Variants in DPY19L4 observed in about 807,000 individuals in gnomAD.
DPY19L4 encodes the protein probable C-mannosyltransferase DPY19L4.
A neutral mutation model predicts 102.8 loss-of-function variants in DPY19L4; 97 were observed. The observed-to-expected ratio is 0.94, with a 90% CI of 0.80 to 1.12. The LOEUF (loss-of-function observed/expected upper bound fraction) is 1.12, where lower values mean the gene tolerates loss of function less well. DPY19L4 is among the 50% of genes most tolerant of loss of function. The pLI is 0.00. For missense variants in DPY19L4, 815 were observed against 850.4 expected, an observed-to-expected ratio of 0.96 and a Z score of 0.52; for synonymous variants, 252 against 283.1, an observed-to-expected ratio of 0.89 and a Z score of 1.10.
chr8:94,743,491 A>G (rs1052273999), intron 6 of DPY19L4, among the ~76,000 whole-genome samples: 4 of 151,866 alleles, frequency 2.6e-5, no homozygotes, highest in African/African-American at 9.7e-5. Context: ...AAAAAAAAAA[A>G]AAAATAGCCA....
rs1436971142 is a variant in DPY19L4, at chr8:94,790,857, A to C, written c.*947A>C. 1 of 152,176 alleles carries C rather than the reference A, an allele frequency of 6.6e-6. No individual in the cohort carries two copies. Among genetic ancestry groups the C allele is most frequent in the African/African-American group, 2.4e-5 (1 of 41,476 alleles). The allele number at this position is 152,176 out of a possible 1,614,324, so 9.4% of individuals were successfully genotyped here. A position where few individuals can be genotyped will look rare whatever the true frequency, so the allele number is the denominator to read the frequency against. On this transcript the variant is annotated 3_prime_UTR_variant, in exon 19 of 19. Coordinates refer to ENST00000414645, the MANE Select transcript of DPY19L4 (RefSeq NM_181787.3). ...CAGATGTTGTTAAACGTACCTCTGC[A>C]TACAGATATATTATAAAACACAAGC...
intron 10 of DPY19L4, among the ~76,000 whole-genome samples, chr8:94,766,265 C>T (rs916347423): frequency 1.3e-5 from 2 of 152,176 alleles, no homozygotes; most frequent in Admixed American, 1.3e-4. Context: ...ATCCCAGCTA[C>T]TTGGGAGGCT....
chr8:94,742,230 C>G (rs953242619), intron 6 of DPY19L4, among the ~76,000 whole-genome samples: 1 of 151,878 alleles, frequency 6.6e-6, no homozygotes, highest in Admixed American at 6.6e-5. Flanking sequence ...TGGTGGCGGG[C>G]GCCTGTAGTC....
Position 94,781,103 on chromosome 8 carries a change from C to G in DPY19L4, c.1652C>G (p.Thr551Arg), listed in dbSNP as rs867783437. ...TTTTAGTTTTTTCCCAGATTAATGA[C>G]AGAATTAATGGAACTACAGGAATTC... is the stretch of plus-strand genomic sequence containing the variant. ...LWKEFFPRLM[T>R]ELMELQEFYD... The change falls in exon 16 of 19, where the codon ACA becomes AGA. Residue 551 changes from threonine (T) to arginine (R), a missense_variant. Transcript: ENST00000414645. 1 of 1,419,086 alleles carries G rather than the reference C, an allele frequency of 7.0e-7. No individual in the cohort carries two copies. The highest frequency in any genetic ancestry group is 1.6e-5 in the African/African-American group (1 of 63,082). 87.9% of individuals were successfully genotyped at this position (1,419,086 alleles called of 1,614,324 possible).
intron 14 of DPY19L4, among the ~76,000 whole-genome samples, chr8:94,779,427 A>G (rs1481716173): frequency 6.6e-6 from 1 of 151,692 alleles, no homozygotes; most frequent in Non-Finnish European, 1.5e-5. Flanking sequence ...GGCTTAAGCA[A>G]TCCTCCTGCC....
chr8:94,767,702 T>A (rs1291090594), intron 11 of DPY19L4, among the ~76,000 whole-genome samples: 5 of 152,172 alleles, frequency 3.3e-5, no homozygotes, highest in Admixed American at 1.3e-4. Context: ...TAAGTAGGTA[T>A]CTCTTTTTAA....
chr8:94,734,807 A>G, intron 3 of DPY19L4, 53 bp downstream of exon 3: 1 of 1,608,584 alleles, frequency 6.2e-7, no homozygotes, highest in South Asian at 1.1e-5. Context: ...GGGAACCAGA[A>G]TGTATGTATG....
intron 13 of DPY19L4, among the ~76,000 whole-genome samples, chr8:94,773,213 CA>C (rs1319486647): frequency 0.09 from 6,068 of 67,640 alleles, 329 homozygotes; most frequent in African/African-American, 0.24. Context: ...GACTCCGTAT[CA>C]AAAAAAAAAA....
chr8:94,749,253 G>T (rs966982049), intron 6 of DPY19L4, among the ~76,000 whole-genome samples: 1 of 152,082 alleles, frequency 6.6e-6, no homozygotes, highest in African/African-American at 2.4e-5. Context: ...CCACATCCAC[G>T]GATTGTCTTC....
At chr8:94,743,523 A>C (rs1479849839) in intron 6 of DPY19L4, among the ~76,000 whole-genome samples, 1 of 151,748 alleles carries the variant, frequency 6.6e-6, no homozygotes, top group Non-Finnish European at 1.5e-5. Flanking sequence ...GTGTGCCTGC[A>C]ATCCCAGCTA....
At chr8:94,783,069 T>G (rs757468818) in intron 16 of DPY19L4, among the ~76,000 whole-genome samples, 2 of 152,240 alleles carry the variant, frequency 1.3e-5, no homozygotes, top group Non-Finnish European at 2.9e-5. Flanking sequence ...AATGTTAAAT[T>G]TAGACAGTGA....
intron 13 of DPY19L4, among the ~76,000 whole-genome samples, chr8:94,771,556 C>T (rs994817257): frequency 6.6e-6 from 1 of 152,120 alleles, no homozygotes; most frequent in Non-Finnish European, 1.5e-5. Context: ...GTACATGGTG[C>T]TATAAGAACA....
At chr8:94,757,767 T>C (rs1215101992) in intron 7 of DPY19L4, among the ~76,000 whole-genome samples, 1 of 152,158 alleles carries the variant, frequency 6.6e-6, no homozygotes, top group Admixed American at 6.6e-5. Flanking sequence ...TCCTGTTTGA[T>C]TGTACAGCTG....
chr8:94,737,383 C>T (rs1811229423), intron 3 of DPY19L4, among the ~76,000 whole-genome samples: 1 of 151,360 alleles, frequency 6.6e-6, no homozygotes, highest in Non-Finnish European at 1.5e-5. Flanking sequence ...ACCATGTTGG[C>T]CAGGCTGGTC....
chr8:94,788,599 C>T (rs1428831051), intron 18 of DPY19L4, among the ~76,000 whole-genome samples: 1 of 151,988 alleles, frequency 6.6e-6, no homozygotes, highest in African/African-American at 2.4e-5. Flanking sequence ...GGCTGTTTTA[C>T]CAAGCTGTGT....
intron 6 of DPY19L4, among the ~76,000 whole-genome samples, chr8:94,752,031 G>A (rs1266709197): frequency 6.6e-6 from 1 of 152,090 alleles, no homozygotes; most frequent in East Asian, 1.9e-4. Flanking sequence ...GTAGTTTCCA[G>A]TTTTGTGGGG....
At position 94,765,194 on chromosome 8, in the gene DPY19L4, T is replaced by TGAATA. The variant is rs1265963181; in HGVS notation, c.882_883insGAATA (p.Tyr295GlufsTer29). 6.6e-7 allele frequency: 1 copy of TGAATA among 1,523,732 alleles called. No individual in the cohort carries two copies. The highest frequency in any genetic ancestry group is 1.4e-5 in the African/African-American group (1 of 71,960). The allele number at this position is 1,523,732 out of a possible 1,614,324, so 94.4% of individuals were successfully genotyped here. ...TTTTGTCACAACAGGTTTATGAAGTTTATAAAATCTACATATTTTCCCTCT... is the reference window on the plus strand; with the variant it reads ...TTTTGTCACAACAGGTTTATGAAGTTGAATATATAAAATCTACATATTTTCCCTCT... On this transcript the variant is annotated frameshift_variant, in exon 9 of 19. Coordinates refer to ENST00000414645, the MANE Select transcript of DPY19L4 (RefSeq NM_181787.3). LOFTEE classifies it high-confidence loss of function.
At chr8:94,765,541 G>A (rs1214906062) in intron 9 of DPY19L4, among the ~76,000 whole-genome samples, 170 bp from the exon 10 acceptor site, 1 of 152,066 alleles carries the variant, frequency 6.6e-6, no homozygotes, top group Non-Finnish European at 1.5e-5. Flanking sequence ...TCACCATTTT[G>A]GCCAGGCTGG....
chr8:94,742,333 G>A (rs571629959), intron 6 of DPY19L4, among the ~76,000 whole-genome samples: 98 of 152,084 alleles, frequency 6.4e-4, no homozygotes, highest in Non-Finnish European at 1.1e-3. Context: ...ACTCCAGCCT[G>A]GGCGACAGAG....
Sources: gnomAD v4.1 joint callset for allele counts (sites outside exome capture counted in the v4.1 genomes callset) on GRCh38, gnomAD v4.1.1 for gene constraint, MANE v1.5 for transcripts, NCBI Gene and HGNC (gene_info 2026-07-23, HGNC 2026-07-21) for gene names.